TTC28: variants seen among roughly 807,000 people sequenced by gnomAD.
The protein encoded by TTC28 is tetratricopeptide repeat protein 28.
TTC28 carries 61 observed loss-of-function variants against 198.0 expected under a neutral mutation model. The observed-to-expected ratio is 0.31, with a 90% CI of 0.25 to 0.38. The LOEUF (loss-of-function observed/expected upper bound fraction) is 0.38, where lower values mean the gene tolerates loss of function less well. Ranked by LOEUF, TTC28 falls within the 10% of genes least tolerant of loss-of-function variation. TTC28 has a pLI of 1.00. For synonymous variants in TTC28, 1,171 were observed against 1,297.8 expected, an observed-to-expected ratio of 0.90 and a Z score of 2.10; for missense variants, 2,678 against 3,164.0, an observed-to-expected ratio of 0.85 and a Z score of 3.69.
chr22:28,105,484 C>A lies in TTC28; in HGVS notation c.3102G>T (p.Thr1034=), dbSNP rs941257618. The A allele has an allele frequency of 6.4e-7, 1 of 1,551,624 alleles. No homozygotes were observed. The highest frequency in any genetic ancestry group is 8.7e-7 in the Non-Finnish European group (1 of 1,146,994). ...GGTTCCCATAGGCTCGGCCCTGGCA[C>A]GTGGGGTTGTTGGTTTCCTCTGCTA... ...LQIAEETNNP[T]CQGRAYGNLG... is the part of the protein sequence containing the mutation. The change falls in exon 8 of 23, where the codon ACG becomes ACT. Residue 1034 remains threonine (T), a synonymous_variant. Transcript: ENST00000397906.
At chr22:28,162,747 G>C (rs758178887) in intron 6 of TTC28, among the ~76,000 whole-genome samples, 5 of 152,150 alleles carry the variant, frequency 3.3e-5, no homozygotes, top group Non-Finnish European at 7.4e-5. Context: ...CCAGGAGTTC[G>C]AGACCAGCCT....
At chr22:28,117,885 G>T (rs1157444269) in intron 6 of TTC28, among the ~76,000 whole-genome samples, 1 of 152,118 alleles carries the variant, frequency 6.6e-6, no homozygotes, top group East Asian at 1.9e-4. Flanking sequence ...GCACAACAGG[G>T]TGACTGTAGC....
intron 5 of TTC28, among the ~76,000 whole-genome samples, chr22:28,199,676 T>C (rs1457882262): frequency 6.6e-6 from 1 of 151,658 alleles, no homozygotes; most frequent in Non-Finnish European, 1.5e-5. Context: ...ATTAACATTT[T>C]GGGCCAGACA....
At chr22:28,185,315 T>A (rs1924091513) in intron 5 of TTC28, among the ~76,000 whole-genome samples, 1 of 152,194 alleles carries the variant, frequency 6.6e-6, no homozygotes, top group African/African-American at 2.4e-5. Flanking sequence ...ACACTCTTGA[T>A]CAATCTTATG....
intron 5 of TTC28, among the ~76,000 whole-genome samples, chr22:28,210,668 G>A (rs913795836): frequency 3.3e-5 from 5 of 152,188 alleles, no homozygotes; most frequent in African/African-American, 1.2e-4. Context: ...TCTGATTGGT[G>A]TACCTGAAAG....
At chr22:28,070,100 C>T (rs770760047) in intron 12 of TTC28, among the ~76,000 whole-genome samples, 2 of 152,158 alleles carry the variant, frequency 1.3e-5, no homozygotes, top group Non-Finnish European at 2.9e-5. Context: ...AACGTCTAAG[C>T]TTCAGCTTTA....
chr22:28,133,596 C>G (rs192083212), intron 6 of TTC28, among the ~76,000 whole-genome samples: 1 of 152,336 alleles, frequency 6.6e-6, no homozygotes, highest in African/African-American at 2.4e-5. Flanking sequence ...CCCAAGCCCA[C>G]AGAGCCTCCC....
chr22:28,392,027 A>G (rs2081610568), intron 2 of TTC28, among the ~76,000 whole-genome samples: 1 of 152,154 alleles, frequency 6.6e-6, no homozygotes, highest in Admixed American at 6.5e-5. Context: ...TTTGGTGTGG[A>G]TGTCCTTTCT....
rs370764065 is a variant in TTC28, at chr22:28,594,910, T to G, written c.381+34642A>C. 9.8e-5 allele frequency among the ~76,000 whole-genome samples: 15 copies of G among 152,332 alleles called. No individual in the cohort carries two copies. The East Asian group carries it at 2.7e-3, about 27-fold the overall frequency. On this transcript the variant is annotated intron_variant, in intron 2 of 22. Coordinates refer to ENST00000397906, the MANE Select transcript of TTC28 (RefSeq NM_001145418.2). ...TAAGCACACAATCTTCTTGGTATAC[T>G]ACTGCCTCCTGGGGGTTATAGTACA... is the stretch of plus-strand genomic sequence containing the variant.
At chr22:28,290,357 C>T (rs1453715016) in intron 5 of TTC28, among the ~76,000 whole-genome samples, 1 of 151,954 alleles carries the variant, frequency 6.6e-6, no homozygotes, top group East Asian at 1.9e-4. Context: ...TTATATAAAA[C>T]TTATATAAAA....
In TTC28 at chr22:28,162,954, G is replaced by T. The variant is rs1921394225; in HGVS notation, c.1441+138C>A. ...TGAAGACCCTGTCTCAAAAAGAAAA[G>T]GAAAAGAAAAGAGCACACACAATAA... On this transcript the variant is annotated intron_variant, in intron 6 of 22. Transcript: ENST00000397906. 16 of 1,222,162 alleles carry T rather than the reference G, an allele frequency of 1.3e-5. 1 individual carries two copies. In the South Asian group the frequency reaches 1.6e-4, roughly 12 times the overall value. The allele number at this position is 1,222,162 out of a possible 1,614,324, so 75.7% of individuals were successfully genotyped here.
chr22:28,054,547 G>C (rs1489253323), intron 12 of TTC28, among the ~76,000 whole-genome samples: 3 of 152,150 alleles, frequency 2.0e-5, no homozygotes, highest in Non-Finnish European at 2.9e-5. Flanking sequence ...CAAGGACAGA[G>C]CAGAGAGGGA....
chr22:27,997,061 G>A (rs1441270770), intron 16 of TTC28, among the ~76,000 whole-genome samples: 1 of 152,228 alleles, frequency 6.6e-6, no homozygotes, highest in Non-Finnish European at 1.5e-5. Context: ...GGATGCTGTG[G>A]GGCCCAAAGC....
intron 12 of TTC28, among the ~76,000 whole-genome samples, chr22:28,050,832 C>A (rs1348325903): frequency 6.6e-6 from 1 of 152,316 alleles, no homozygotes; most frequent in East Asian, 1.9e-4. Context: ...GAATGCCCCC[C>A]TCAGAGTTGT....
At chr22:28,448,979 G>A (rs2047739518) in intron 2 of TTC28, among the ~76,000 whole-genome samples, 1 of 152,182 alleles carries the variant, frequency 6.6e-6, no homozygotes, top group Non-Finnish European at 1.5e-5. Flanking sequence ...TTGCCCTTGA[G>A]GAGGCAGGAG....
At chr22:28,547,918 A>G (rs981534771) in intron 2 of TTC28, among the ~76,000 whole-genome samples, 5 of 151,954 alleles carry the variant, frequency 3.3e-5, no homozygotes, top group African/African-American at 1.2e-4. Flanking sequence ...ATAGTTTCTT[A>G]GCACTACAAT....
chr22:28,168,652 A>G (rs1312211693), intron 5 of TTC28, among the ~76,000 whole-genome samples: 2 of 152,082 alleles, frequency 1.3e-5, no homozygotes, highest in Non-Finnish European at 2.9e-5. Flanking sequence ...CCTTCCTTAC[A>G]CCTTATACAA....
chr22:28,660,813 C>T (rs543771149), intron 1 of TTC28, among the ~76,000 whole-genome samples: 3 of 149,098 alleles, frequency 2.0e-5, no homozygotes, highest in Non-Finnish European at 3.0e-5. Context: ...CATGAGCCAC[C>T]GCGGCTGGCC....
chr22:28,159,323 T>C (rs377422078), intron 6 of TTC28, among the ~76,000 whole-genome samples: 1 of 151,936 alleles, frequency 6.6e-6, no homozygotes, highest in South Asian at 2.1e-4. Context: ...GTACAACCAC[T>C]ATGGAGAAGG....
Sources: gnomAD v4.1 joint callset for allele counts (sites outside exome capture counted in the v4.1 genomes callset) on GRCh38, gnomAD v4.1.1 for gene constraint, MANE v1.5 for transcripts, NCBI Gene and HGNC (gene_info 2026-07-23, HGNC 2026-07-21) for gene names.